The following CBX5 variants were observed in gnomAD, a reference collection of about 807,000 sequenced individuals.
CBX5 encodes the protein chromobox 5, also known as chromobox protein homolog 5.
CBX5 carries 7 observed loss-of-function variants against 20.7 expected under a neutral mutation model. The ratio of observed to expected loss-of-function variants is 0.34; its 90% confidence interval spans 0.19 to 0.63. The LOEUF (loss-of-function observed/expected upper bound fraction) is 0.63. CBX5 is among the 30% of genes least tolerant of loss of function. The pLI, the probability that CBX5 is intolerant of heterozygous loss-of-function variation, is 0.75. For missense variants in CBX5, 110 were observed against 224.1 expected, an observed-to-expected ratio of 0.49 and a Z score of 3.25; for synonymous variants, 78 against 77.0, an observed-to-expected ratio of 1.01 and a Z score of -0.07.
At chr12:54,262,514 TGTAAATCTCCTAGACA>T (rs1943922306) in intron 1 of CBX5, 1 of 153,084 alleles carries the variant, frequency 6.5e-6, no homozygotes. Context: ...GCAATTGTCT[TGTAAATCTCCTAGACA>T]GTCACAGATC....
intron 1 of CBX5, among the ~76,000 whole-genome samples, chr12:54,261,797 C>T (rs1943917580): frequency 6.6e-6 from 1 of 152,146 alleles, no homozygotes; most frequent in Non-Finnish European, 1.5e-5. Flanking sequence ...TCCATCTAAC[C>T]CCGGCATCAT....
At position 54,232,574 on chromosome 12, in the gene CBX5, G is replaced by A. The variant is rs910476818; in HGVS notation, c.*9181C>T. ...GGGCACACAGAGTCAGCATCCACTC[G>A]ATTCTTGTTCCATTTCCCAGAGCAT... On this transcript the variant is annotated 3_prime_UTR_variant, in exon 5 of 5. Coordinates refer to ENST00000209875, the MANE Select transcript of CBX5 (RefSeq NM_012117.3). 6.6e-6 allele frequency: 1 copy of A among 152,060 alleles called. No individual in the cohort carries two copies. The highest frequency in any genetic ancestry group is 2.4e-5 in the African/African-American group (1 of 41,378). The allele number at this position is 152,060 out of a possible 1,614,324, so 9.4% of individuals were successfully genotyped here.
rs371449014 is a variant in CBX5, at chr12:54,244,681, T to C, written c.425+1434A>G. On this transcript the variant is annotated intron_variant, in intron 4 of 4. Transcript: ENST00000209875. ...TGAACCCGGGAGGCAGAGATTGCAGTGAGCCAAGATCGCGCCACTGCACTC... is the reference window on the plus strand; with the variant it reads ...TGAACCCGGGAGGCAGAGATTGCAGCGAGCCAAGATCGCGCCACTGCACTC... Among the ~76,000 whole-genome samples, 222 of 152,070 alleles carry C rather than the reference T, an allele frequency of 1.5e-3. 1 individual carries two copies. The highest frequency in any genetic ancestry group is 5.1e-3 in the African/African-American group (213 of 41,472).
Position 54,238,484 on chromosome 12 carries a change from G to C in CBX5, c.*3271C>G, listed in dbSNP as rs1475473579. On this transcript the variant is annotated 3_prime_UTR_variant, in exon 5 of 5. Coordinates refer to ENST00000209875, the MANE Select transcript of CBX5 (RefSeq NM_012117.3). Reference sequence around the variant, plus strand: ...GGATCCTATATAGCTTCTTCTCTGGGATCTACTGAGGAGTGAAATCTAAAT... The same window carrying C: ...GGATCCTATATAGCTTCTTCTCTGGCATCTACTGAGGAGTGAAATCTAAAT... 1.3e-5 allele frequency: 2 copies of C among 152,200 alleles called. No homozygotes were observed. The highest frequency in any genetic ancestry group is 2.9e-5 in the Non-Finnish European group (2 of 68,020). 9.4% of individuals were successfully genotyped at this position (152,200 alleles called of 1,614,324 possible).
chr12:54,256,165 T>C (rs978902758), intron 2 of CBX5, among the ~76,000 whole-genome samples: 1 of 152,174 alleles, frequency 6.6e-6, no homozygotes, highest in Non-Finnish European at 1.5e-5. Flanking sequence ...CACCCAAATA[T>C]TTCCAGTGGA....
chr12:54,275,089 G>C (rs867049009), intron 1 of CBX5, among the ~76,000 whole-genome samples: 4 of 152,042 alleles, frequency 2.6e-5, no homozygotes, highest in African/African-American at 9.7e-5. Context: ...AAATCCAGCC[G>C]CTTCAAATGT....
chr12:54,276,043 T>G (rs1264393103), intron 1 of CBX5, among the ~76,000 whole-genome samples: 1 of 152,016 alleles, frequency 6.6e-6, no homozygotes, highest in Non-Finnish European at 1.5e-5. Context: ...TGCAATATTT[T>G]TATTGTTTTC....
At chr12:54,274,930 ACT>A (rs749096003) in intron 1 of CBX5, among the ~76,000 whole-genome samples, 12 of 152,128 alleles carry the variant, frequency 7.9e-5, no homozygotes, top group Middle Eastern at 6.8e-3. Context: ...ACAGAGCGCG[ACT>A]CTGTCTCAAA....
intron 1 of CBX5, among the ~76,000 whole-genome samples, chr12:54,271,687 T>C (rs1030443762): frequency 1.3e-5 from 2 of 152,240 alleles, no homozygotes; most frequent in African/African-American, 4.8e-5. Context: ...TTAGGACATT[T>C]AGGATTGTTA....
intron 1 of CBX5, among the ~76,000 whole-genome samples, chr12:54,277,744 C>T (rs1944084428): frequency 6.6e-6 from 1 of 152,190 alleles, no homozygotes; most frequent in African/African-American, 2.4e-5. Context: ...TTACCAAAGG[C>T]CACTCCCTAA....
Position 54,232,951 on chromosome 12 carries a change from A to G in CBX5, c.*8804T>C, listed in dbSNP as rs1325017762. ...TCACATTCCAACAGAAACAATGAAT[A>G]AGAACCTTTTCCCCAGTGGTGGTTC... On this transcript the variant is annotated 3_prime_UTR_variant, in exon 5 of 5. Coordinates refer to ENST00000209875, the MANE Select transcript of CBX5 (RefSeq NM_012117.3). The G allele has an allele frequency of 6.6e-6, 1 of 151,936 alleles. No individual in the cohort carries two copies. Among genetic ancestry groups the G allele is most frequent in the Non-Finnish European group, 1.5e-5 (1 of 68,008 alleles). The allele number at this position is 151,936 out of a possible 1,614,324, so 9.4% of individuals were successfully genotyped here. A position where few individuals can be genotyped will look rare whatever the true frequency, so the allele number is the denominator to read the frequency against.
chr12:54,267,062 T>A (rs1331505721), intron 1 of CBX5, among the ~76,000 whole-genome samples: 2 of 152,216 alleles, frequency 1.3e-5, no homozygotes, highest in Non-Finnish European at 2.9e-5. Flanking sequence ...GGAAATGTAC[T>A]GAACTCATCT....
chr12:54,266,377 G>A (rs1342901679), intron 1 of CBX5, among the ~76,000 whole-genome samples: 2 of 151,892 alleles, frequency 1.3e-5, no homozygotes, highest in African/African-American at 4.8e-5. Context: ...CAGCCTGGGC[G>A]ACAGAGCGAG....
Position 54,232,180 on chromosome 12 carries a change from C to T in CBX5, c.*9575G>A, listed in dbSNP as rs1943574808. The T allele has an allele frequency of 1.3e-5, 2 of 152,138 alleles. No homozygotes were observed. The highest frequency in any genetic ancestry group is 6.5e-5 in the Admixed American group (1 of 15,288). The allele number at this position is 152,138 out of a possible 1,614,324, so 9.4% of individuals were successfully genotyped here. A position where few individuals can be genotyped will look rare whatever the true frequency, so the allele number is the denominator to read the frequency against. On this transcript the variant is annotated 3_prime_UTR_variant, in exon 5 of 5. Transcript: ENST00000209875. The stretch of plus-strand genomic sequence containing the variant: ...TGCAAGACACAGAAAATCCCAAGTG[C>T]CTTCCCCAACAACATCCTAAGTAAG...
chr12:54,241,705 G>T lies in CBX5; in HGVS notation c.*50C>A, dbSNP rs777683374. Reference sequence around the variant, plus strand: ...GTGGGTAGAAAGGAGAGGAGGCAGGGAGGTGAATGTATTATGTACAAAGAG... The same window carrying T: ...GTGGGTAGAAAGGAGAGGAGGCAGGTAGGTGAATGTATTATGTACAAAGAG... On this transcript the variant is annotated 3_prime_UTR_variant, in exon 5 of 5. Transcript: ENST00000209875. The T allele has an allele frequency of 7.8e-6, 12 of 1,544,094 alleles. No individual in the cohort carries two copies. In the South Asian group the frequency reaches 1.5e-4, roughly 19 times the overall value.
rs1001292903 is a variant in CBX5, at chr12:54,237,883, T to C, written c.*3872A>G. The C allele has an allele frequency of 2.0e-5, 3 of 152,222 alleles. No individual in the cohort carries two copies. The highest frequency in any genetic ancestry group is 2.0e-4 in the Admixed American group (3 of 15,272). The allele number at this position is 152,222 out of a possible 1,614,324, so 9.4% of individuals were successfully genotyped here. ...AGCAAACAAATAATGACAATTTTAT[T>C]TTTGTCCACAAAAATTTAATAGAGG... On this transcript the variant is annotated 3_prime_UTR_variant, in exon 5 of 5. Transcript: ENST00000209875.
At chr12:54,258,554 G>A (rs1943885227) in intron 1 of CBX5, 1 of 152,164 alleles carries the variant, frequency 6.6e-6, no homozygotes, top group Non-Finnish European at 1.5e-5. Context: ...TCAAAATACA[G>A]AGGAACCATT....
chr12:54,232,549 G>A lies in CBX5; in HGVS notation c.*9206C>T, dbSNP rs1404064062. On this transcript the variant is annotated 3_prime_UTR_variant, in exon 5 of 5. Coordinates refer to ENST00000209875, the MANE Select transcript of CBX5 (RefSeq NM_012117.3). ...ACCATTATCAATCAGTTGAGGAGGTGGGCACACAGAGTCAGCATCCACTCG... is the reference window on the plus strand; with the variant it reads ...ACCATTATCAATCAGTTGAGGAGGTAGGCACACAGAGTCAGCATCCACTCG... The A allele has an allele frequency of 6.6e-6, 1 of 152,106 alleles. No homozygotes were observed. Among genetic ancestry groups the A allele is most frequent in the African/African-American group, 2.4e-5 (1 of 41,402 alleles). The allele number at this position is 152,106 out of a possible 1,614,324, so 9.4% of individuals were successfully genotyped here. A position where few individuals can be genotyped will look rare whatever the true frequency, so the allele number is the denominator to read the frequency against.
At chr12:54,279,797 C>A (rs938018414) in intron 1 of CBX5, among the ~76,000 whole-genome samples, 1 of 152,222 alleles carries the variant, frequency 6.6e-6, no homozygotes, top group Non-Finnish European at 1.5e-5. Context: ...TTGGCCTATA[C>A]ACAAGCCAGT....
Sources: allele counts gnomAD v4.1 joint callset (sites outside exome capture counted in the v4.1 genomes callset), GRCh38; gene constraint gnomAD v4.1.1; transcripts MANE v1.5; gene names NCBI Gene and HGNC (gene_info 2026-07-23, HGNC 2026-07-21).